The following PARP8 variants were observed in gnomAD, a reference collection of about 807,000 sequenced individuals.
PARP8 encodes the protein protein mono-ADP-ribosyltransferase PARP8.
In PARP8, 51 loss-of-function variants were observed where a neutral mutation model predicts 124.1. The observed-to-expected ratio is 0.41, with a 90% CI of 0.33 to 0.52. The LOEUF (loss-of-function observed/expected upper bound fraction) is 0.52. Ranked by LOEUF, PARP8 falls within the 20% of genes least tolerant of loss-of-function variation. The pLI, the probability that PARP8 is intolerant of heterozygous loss-of-function variation, is 0.21. For missense variants in PARP8, 860 were observed against 1,018.9 expected, an observed-to-expected ratio of 0.84 and a Z score of 2.12; for synonymous variants, 391 against 361.5, an observed-to-expected ratio of 1.08 and a Z score of -0.93.
At chr5:50,741,405 T>C (rs1374481809) in intron 2 of PARP8, among the ~76,000 whole-genome samples, 2 of 152,124 alleles carry the variant, frequency 1.3e-5, no homozygotes, top group African/African-American at 4.8e-5. Context: ...TAAGGTAGTG[T>C]AAAAAAACCA....
chr5:50,736,461 C>T (rs1404640706), intron 2 of PARP8, among the ~76,000 whole-genome samples: 4 of 152,090 alleles, frequency 2.6e-5, no homozygotes, highest in Admixed American at 6.6e-5. Context: ...GCAAAGTCTA[C>T]TGAGTTTACA....
At chr5:50,745,901 T>C (rs1197645527) in intron 2 of PARP8, among the ~76,000 whole-genome samples, 1 of 152,128 alleles carries the variant, frequency 6.6e-6, no homozygotes, top group Non-Finnish European at 1.5e-5. Context: ...CCCCAGCTTG[T>C]TTTGGGGCAC....
chr5:50,820,700 A>G (rs1298938513), intron 15 of PARP8, among the ~76,000 whole-genome samples: 2 of 152,292 alleles, frequency 1.3e-5, no homozygotes, highest in East Asian at 3.9e-4. Context: ...AGATGGTCGC[A>G]TGTCTCCTTC....
rs946909594 is a variant in PARP8, at chr5:50,715,183, C to G, written c.147-34968C>G. Among the ~76,000 whole-genome samples, 5 of 152,012 alleles carry G rather than the reference C, an allele frequency of 3.3e-5. 1 individual carries two copies. Among genetic ancestry groups the G allele is most frequent in the Admixed American group, 2.0e-4 (3 of 15,238 alleles). On this transcript the variant is annotated intron_variant, in intron 2 of 25. Transcript: ENST00000281631. The stretch of plus-strand genomic sequence containing the variant: ...TGCTGCAAACAGTAACGTAAATTCA[C>G]CCAACATGACCGCAGTGCAAAAGCG...
At chr5:50,764,885 AC>A (rs1760903134) in intron 7 of PARP8, among the ~76,000 whole-genome samples, 1 of 151,666 alleles carries the variant, frequency 6.6e-6, no homozygotes, top group African/African-American at 2.4e-5. Flanking sequence ...ACAATAATCT[AC>A]ATCTCGATAT....
In PARP8 at chr5:50,756,132, G is replaced by A. The variant is rs147827875; in HGVS notation, c.185-3511G>A. On this transcript the variant is annotated intron_variant, in intron 3 of 25. Transcript: ENST00000281631. Reference sequence around the variant, plus strand: ...TACAACCATGTCATCTGCAAACAGGGACAATTTGACTTCCTCTTTTGCTAA... The same window carrying A: ...TACAACCATGTCATCTGCAAACAGGAACAATTTGACTTCCTCTTTTGCTAA... 5.4e-3 allele frequency among the ~76,000 whole-genome samples: 818 copies of A among 152,236 alleles called. 7 individuals carry two copies. Among genetic ancestry groups the A allele is most frequent in the African/African-American group, 0.018 (766 of 41,548 alleles).
At chr5:50,709,936 A>G (rs1754573142) in intron 2 of PARP8, among the ~76,000 whole-genome samples, 2 of 89,470 alleles carry the variant, frequency 2.2e-5, no homozygotes, top group African/African-American at 6.2e-5. Context: ...ATATATATAT[A>G]TATATATATA....
chr5:50,744,919 T>C (rs948082141), intron 2 of PARP8: 1 of 600,220 alleles, frequency 1.7e-6, no homozygotes, highest in Non-Finnish European at 3.0e-6. Flanking sequence ...ATACTAACAG[T>C]ACTCTGCAAT....
In PARP8 at chr5:50,686,036, C is replaced by T. The variant is rs575384029; in HGVS notation, c.146+17911C>T. On this transcript the variant is annotated intron_variant, in intron 2 of 25. Coordinates refer to ENST00000281631, the MANE Select transcript of PARP8 (RefSeq NM_024615.4). Reference sequence around the variant, plus strand: ...CACATTTCAAAACCAATCATGCCTTCCCAACAGTCCCCCAAAGTCTTAACT... The same window carrying T: ...CACATTTCAAAACCAATCATGCCTTTCCAACAGTCCCCCAAAGTCTTAACT... 2.0e-4 allele frequency among the ~76,000 whole-genome samples: 31 copies of T among 152,328 alleles called. No homozygotes were observed. The South Asian group carries it at 4.1e-3, about 20-fold the overall frequency.
chr5:50,696,910 T>C (rs1242202368), intron 2 of PARP8, among the ~76,000 whole-genome samples: 3 of 152,122 alleles, frequency 2.0e-5, no homozygotes, highest in Admixed American at 1.3e-4. Context: ...TTGCCTTGGG[T>C]GTTCTTTTTC....
chr5:50,686,290 G>T (rs1166950035), intron 2 of PARP8, among the ~76,000 whole-genome samples: 1 of 152,220 alleles, frequency 6.6e-6, no homozygotes, highest in African/African-American at 2.4e-5. Context: ...AAATCTTAAA[G>T]CTCCAAAATG....
rs368124324 is a variant in PARP8 at position 50,829,885 on chromosome 5, A to G, written c.2164-7A>G. The G allele has an allele frequency of 5.6e-6, 9 of 1,600,844 alleles. No individual in the cohort carries two copies. The highest frequency in any genetic ancestry group is 2.2e-5 in the East Asian group (1 of 44,668). Reference sequence around the variant, plus strand: ...CCTCTCTCTCTCTCCCACTCTTCCCATCTTAGCTCCATGGTGCAATGTATG... The same window carrying G: ...CCTCTCTCTCTCTCCCACTCTTCCCGTCTTAGCTCCATGGTGCAATGTATG... On this transcript the variant is annotated splice_region_variant and splice_polypyrimidine_tract_variant and intron_variant, in intron 21 of 25. Transcript: ENST00000281631.
At chr5:50,839,380 T>G (rs979848792) in intron 25 of PARP8, among the ~76,000 whole-genome samples, 1 of 151,990 alleles carries the variant, frequency 6.6e-6, no homozygotes, top group African/African-American at 2.4e-5. Flanking sequence ...TAAAAGAACT[T>G]TACTCTTAAA....
intron 2 of PARP8, among the ~76,000 whole-genome samples, chr5:50,673,308 C>T (rs1750247985): frequency 6.6e-6 from 1 of 152,026 alleles, no homozygotes; most frequent in Admixed American, 6.6e-5. Context: ...GTTTTAAAAC[C>T]ACTGACCTAA....
chr5:50,680,953 T>C (rs529836376), intron 2 of PARP8, among the ~76,000 whole-genome samples: 41 of 152,262 alleles, frequency 2.7e-4, no homozygotes, highest in Non-Finnish European at 5.7e-4. Flanking sequence ...GGCATCTGAC[T>C]ACCTTAAGTG....
upstream of PARP8, chr5:50,666,371 T>A (rs1749277582): frequency 6.6e-6 from 1 of 152,098 alleles, no homozygotes; most frequent in Non-Finnish European, 1.5e-5. Flanking sequence ...TGGAGTCGAA[T>A]TCATAAAAGT....
Position 50,846,085 on chromosome 5 carries a change from TA to T in PARP8, c.*4023del, listed in dbSNP as rs1212326014. ...CATTTCACATTTACCAGCAAGTCAG[TA>T]AAAAATAGTGCTTATTTACATAGTC... On this transcript the variant is annotated 3_prime_UTR_variant, in exon 26 of 26. Transcript: ENST00000281631. 2.0e-5 allele frequency: 3 copies of T among 151,788 alleles called. No homozygotes were observed. The East Asian group carries it at 5.8e-4, about 29-fold the overall frequency. 9.4% of individuals were successfully genotyped at this position (151,788 alleles called of 1,614,324 possible).
At chr5:50,808,163 A>G (rs1744067687) in intron 14 of PARP8, among the ~76,000 whole-genome samples, 1 of 151,886 alleles carries the variant, frequency 6.6e-6, no homozygotes, top group African/African-American at 2.4e-5. Flanking sequence ...TTATTTAGCC[A>G]CGGTTGAGGA....
intron 2 of PARP8, among the ~76,000 whole-genome samples, chr5:50,692,321 T>C (rs1174372691): frequency 1.3e-5 from 2 of 152,204 alleles, no homozygotes; most frequent in East Asian, 1.9e-4. Context: ...TTATTTTGCA[T>C]TGTCTATTCC....
Sources: gnomAD v4.1 joint callset for allele counts (sites outside exome capture counted in the v4.1 genomes callset) on GRCh38, gnomAD v4.1.1 for gene constraint, MANE v1.5 for transcripts, NCBI Gene and HGNC (gene_info 2026-07-23, HGNC 2026-07-21) for gene names.